The following ZFP1 variants were observed in gnomAD, a reference collection of about 807,000 sequenced individuals.
The protein encoded by ZFP1 is zinc finger protein 1 homolog.
ZFP1 carries 32 observed loss-of-function variants against 38.5 expected under a neutral mutation model. The ratio of observed to expected loss-of-function variants is 0.83; its 90% CI spans 0.63 to 1.12. ZFP1 has a LOEUF of 1.12. ZFP1 is among the 50% of genes most tolerant of loss of function. The pLI, the probability that ZFP1 is intolerant of heterozygous loss-of-function variation, is 0.00. For synonymous variants in ZFP1, 245 were observed against 168.8 expected (o/e 1.45, Z -3.50); for missense variants, 616 against 480.8 (o/e 1.28, Z -2.63).
intron 2 of ZFP1, among the ~76,000 whole-genome samples, chr16:75,162,119 A>T (rs2037820484): frequency 6.6e-6 from 1 of 151,384 alleles, no homozygotes; most frequent in African/African-American, 2.4e-5. Context: ...GTTGAAAGTA[A>T]CTTCAGTATG....
chr16:75,149,211 G>C (rs183896474), intron 1 of ZFP1: 7 of 152,352 alleles, frequency 4.6e-5, no homozygotes, highest in African/African-American at 1.7e-4. Flanking sequence ...AGGAACACGG[G>C]AGGTTCAGAA....
chr16:75,122,574 A>G, the ZFP1 span, among the ~76,000 whole-genome samples: 1 of 152,262 alleles, frequency 6.6e-6, no homozygotes, highest in Non-Finnish European at 1.5e-5. Context: ...TTCTTTGAAG[A>G]GAAACTTGGA....
At chr16:75,148,820 G>C (rs2037016896) in intron 1 of ZFP1, 177 bp downstream of exon 1, 1 of 152,314 alleles carries the variant, frequency 6.6e-6, no homozygotes, top group South Asian at 2.1e-4. Flanking sequence ...GGGCCGGCGG[G>C]GCACGCCTGG....
At chr16:75,152,742 G>A (rs572878354) in intron 1 of ZFP1, among the ~76,000 whole-genome samples, 167 bp from the exon 2 acceptor site, 1 of 152,302 alleles carries the variant, frequency 6.6e-6, no homozygotes, top group Admixed American at 6.5e-5. Context: ...TTGAAGATAG[G>A]TGCTGTTAGT....
chr16:75,152,467 A>G (rs1184615721), intron 1 of ZFP1, among the ~76,000 whole-genome samples: 4 of 152,198 alleles, frequency 2.6e-5, no homozygotes, highest in Admixed American at 1.3e-4. Flanking sequence ...TCTACTAATG[A>G]ACCTGCTGAA....
the ZFP1 span, among the ~76,000 whole-genome samples, chr16:75,141,095 C>T: frequency 6.6e-6 from 1 of 151,720 alleles, no homozygotes; most frequent in Non-Finnish European, 1.5e-5. Flanking sequence ...CATTGACTTT[C>T]TCCAAAAATT....
chr16:75,150,239 C>T (rs1239584089), intron 1 of ZFP1, among the ~76,000 whole-genome samples: 3 of 144,754 alleles, frequency 2.1e-5, no homozygotes, highest in African/African-American at 7.7e-5. Flanking sequence ...GACAGAGTCT[C>T]GCTCTGTTGC....
rs746676187 is a variant in ZFP1, at chr16:75,169,961, C to A, written c.851C>A (p.Thr284Asn). The change falls in exon 4 of 4, where the codon ACC (threonine) becomes AAC (asparagine). Residue 284 changes from threonine (T) to asparagine (N), a missense_variant. Coordinates refer to ENST00000570010, the MANE Select transcript of ZFP1 (RefSeq NM_153688.4). The part of the protein sequence containing the change: ...GKTFAQKFEL[T>N]THQRIHTGER... ...ACATTTGCCCAAAAGTTTGAACTCA[C>A]CACACACCAGAGAATTCATACAGGA... 1 of 1,613,982 alleles carries A rather than the reference C, an allele frequency of 6.2e-7. No individual in the cohort carries two copies. The highest frequency in any genetic ancestry group is 8.5e-7 in the Non-Finnish European group (1 of 1,180,018).
At chr16:75,160,369 C>T (rs150438173) in intron 2 of ZFP1, among the ~76,000 whole-genome samples, 464 of 152,178 alleles carry the variant, frequency 3.0e-3, no homozygotes, top group Non-Finnish European at 5.1e-3. Context: ...CCCATCTGTA[C>T]TAAACCCCAT....
At chr16:75,152,772 C>T (rs1273086071) in intron 1 of ZFP1, 137 bp from the exon 2 acceptor site, 17 of 677,352 alleles carry the variant, frequency 2.5e-5, no homozygotes, top group Non-Finnish European at 4.2e-5. Flanking sequence ...TCTGCCCCTT[C>T]TGAAGAGGCA....
At chr16:75,141,924 G>A in the ZFP1 span, among the ~76,000 whole-genome samples, 2 of 151,552 alleles carry the variant, frequency 1.3e-5, no homozygotes, top group Admixed American at 1.3e-4. Flanking sequence ...GATGATGGTG[G>A]GCGCCTGTAA....
At chr16:75,143,642 T>G (rs962034107), upstream of ZFP1, among the ~76,000 whole-genome samples, 1 of 132,442 alleles carries the variant, frequency 7.6e-6, no homozygotes, top group Non-Finnish European at 1.6e-5. Flanking sequence ...ATCCAGGAGG[T>G]GAATCTTTTT....
the ZFP1 span, among the ~76,000 whole-genome samples, chr16:75,141,539 C>T: frequency 6.6e-6 from 1 of 151,472 alleles, no homozygotes; most frequent in Middle Eastern, 3.2e-3. Context: ...CCAACTAAAT[C>T]AGAGTTGAGA....
chr16:75,159,070 T>C (rs2037614098), intron 2 of ZFP1, among the ~76,000 whole-genome samples: 1 of 152,040 alleles, frequency 6.6e-6, no homozygotes, highest in Admixed American at 6.6e-5. Flanking sequence ...CTAATTTTTG[T>C]ATTTTTTGTA....
At chr16:75,156,583 G>A (rs565870182) in intron 2 of ZFP1, among the ~76,000 whole-genome samples, 3 of 152,190 alleles carry the variant, frequency 2.0e-5, no homozygotes, top group African/African-American at 7.2e-5. Flanking sequence ...CAGAAGTCCC[G>A]TTTGGGGAGG....
intron 2 of ZFP1, among the ~76,000 whole-genome samples, chr16:75,157,771 A>G (rs760050032): frequency 1.3e-5 from 2 of 151,964 alleles, no homozygotes; most frequent in Non-Finnish European, 2.9e-5. Context: ...GATAAAAATA[A>G]AGCCATACCT....
intron 1 of ZFP1, chr16:75,148,945 A>AGCGAGTTCTGGAGCCCCGGCGGGC (rs1357129499): frequency 6.6e-6 from 1 of 151,492 alleles, no homozygotes; most frequent in East Asian, 2.0e-4. Context: ...GCCGCGCGGG[A>AGCGAGTTCTGGAGCCCCGGCGGGC]GCGAGTTCTG....
chr16:75,135,677 T>C, the ZFP1 span, among the ~76,000 whole-genome samples: 4 of 152,218 alleles, frequency 2.6e-5, no homozygotes, highest in African/African-American at 7.2e-5. Context: ...ACAAAGGATG[T>C]TGAGGGTGGT....
intron 2 of ZFP1, among the ~76,000 whole-genome samples, chr16:75,163,920 AC>A (rs2037923833): frequency 6.6e-6 from 1 of 152,100 alleles, no homozygotes; most frequent in African/African-American, 2.4e-5. Context: ...TGTTTATGTC[AC>A]CTCACTCAAT....
Sources: allele counts gnomAD v4.1 joint callset (sites outside exome capture counted in the v4.1 genomes callset), GRCh38; gene constraint gnomAD v4.1.1; transcripts MANE v1.5; gene names NCBI Gene and HGNC (gene_info 2026-07-23, HGNC 2026-07-21).